The following CYB5R4 variants were observed in gnomAD, a reference collection of about 807,000 sequenced individuals.
The protein encoded by CYB5R4 is N-terminal cytochrome b5 and cytochrome b5 oxidoreductase domain-containing protein.
In CYB5R4, 55 loss-of-function variants were observed where a neutral mutation model predicts 70.2. The observed-to-expected ratio is 0.78, with a 90% CI of 0.63 to 0.98. The LOEUF (loss-of-function observed/expected upper bound fraction) is 0.98, where lower values mean the gene tolerates loss of function less well. Ranked by LOEUF, CYB5R4 falls within the 50% of genes least tolerant of loss-of-function variation. The pLI, the probability that CYB5R4 is intolerant of heterozygous loss-of-function variation, is 0.00. For missense variants in CYB5R4, 562 were observed against 612.6 expected, an observed-to-expected ratio of 0.92 and a Z score of 0.87; for synonymous variants, 197 against 199.5, an observed-to-expected ratio of 0.99 and a Z score of 0.11.
intron 14 of CYB5R4, among the ~76,000 whole-genome samples, chr6:83,949,850 A>C (rs1211030718): frequency 6.6e-6 from 1 of 152,228 alleles, no homozygotes; most frequent in Non-Finnish European, 1.5e-5. Flanking sequence ...TATAAAACAA[A>C]CATTAATACC....
At position 83,965,045 on chromosome 6, in the gene CYB5R4, G is replaced by T. The variant is rs377093620; in HGVS notation, c.*5167G>T. ...GAAATGCCTGGATGCCCAGGCAGAA[G>T]TTTGCTGCAGGGGCGGGGCTCTCAT... On this transcript the variant is annotated 3_prime_UTR_variant, in exon 16 of 16. Transcript: ENST00000369681. 1 of 152,306 alleles carries T rather than the reference G, an allele frequency of 6.6e-6. No individual in the cohort carries two copies. The allele number at this position is 152,306 out of a possible 1,614,324, so 9.4% of individuals were successfully genotyped here.
chr6:83,865,213 A>C (rs1052256413), intron 2 of CYB5R4, among the ~76,000 whole-genome samples: 2 of 152,190 alleles, frequency 1.3e-5, no homozygotes, highest in Non-Finnish European at 1.5e-5. Context: ...TTGTTCAATG[A>C]GTGTAACACT....
chr6:83,912,490 A>C (rs2099464858), intron 4 of CYB5R4, among the ~76,000 whole-genome samples: 1 of 152,178 alleles, frequency 6.6e-6, no homozygotes, highest in Non-Finnish European at 1.5e-5. Context: ...GTCATAATTA[A>C]AGATCCTTAC....
At chr6:83,920,488 C>G (rs2099466193) in intron 7 of CYB5R4, among the ~76,000 whole-genome samples, 1 of 151,894 alleles carries the variant, frequency 6.6e-6, no homozygotes, top group African/African-American at 2.4e-5. Context: ...CAATGGAACA[C>G]AGAGGATGGA....
intron 2 of CYB5R4, among the ~76,000 whole-genome samples, chr6:83,878,234 A>C (rs533522890): frequency 2.6e-4 from 39 of 152,318 alleles, no homozygotes; most frequent in Admixed American, 8.5e-4. Flanking sequence ...ACTAGATTAA[A>C]AAAAAATCAA....
At chr6:83,877,428 G>A (rs918540259) in intron 2 of CYB5R4, among the ~76,000 whole-genome samples, 10 of 151,866 alleles carry the variant, frequency 6.6e-5, no homozygotes, top group African/African-American at 1.7e-4. Context: ...TATTTGACTC[G>A]TGATTCTTGA....
At chr6:83,920,386 T>C (rs1407695315) in intron 7 of CYB5R4, among the ~76,000 whole-genome samples, 1 of 152,120 alleles carries the variant, frequency 6.6e-6, no homozygotes, top group African/African-American at 2.4e-5. Context: ...CTACTTATCC[T>C]GTTTTCCACT....
At chr6:83,915,432 C>G (rs2099465354) in intron 5 of CYB5R4, among the ~76,000 whole-genome samples, 1 of 152,154 alleles carries the variant, frequency 6.6e-6, no homozygotes, top group African/African-American at 2.4e-5. Context: ...ATATAACACT[C>G]TATTAAATGA....
chr6:83,867,988 A>T (rs1449335186), intron 2 of CYB5R4, among the ~76,000 whole-genome samples: 1 of 152,222 alleles, frequency 6.6e-6, no homozygotes, highest in Non-Finnish European at 1.5e-5. Flanking sequence ...CCTCAGTTAG[A>T]ACCTGACAAC....
intron 15 of CYB5R4, among the ~76,000 whole-genome samples, chr6:83,959,268 C>T (rs2099472926): frequency 1.3e-5 from 2 of 152,122 alleles, no homozygotes; most frequent in South Asian, 4.1e-4. Context: ...TATTACATGC[C>T]TCCAGATAGA....
chr6:83,929,309 TA>T (rs1346602483), intron 10 of CYB5R4: 1 of 152,200 alleles, frequency 6.6e-6, no homozygotes, highest in Non-Finnish European at 1.5e-5. Context: ...GACTTTATGA[TA>T]ATAGTATGCT....
intron 15 of CYB5R4, among the ~76,000 whole-genome samples, chr6:83,958,934 TTGAACA>T (rs1478833606): frequency 6.6e-6 from 1 of 152,196 alleles, no homozygotes; most frequent in Non-Finnish European, 1.5e-5. Context: ...ATTTTCCTAG[TTGAACA>T]ATACGCAGTA....
chr6:83,958,899 G>A (rs1052222059), intron 15 of CYB5R4, among the ~76,000 whole-genome samples: 1 of 152,136 alleles, frequency 6.6e-6, no homozygotes, highest in Non-Finnish European at 1.5e-5. Flanking sequence ...AATAGAGTAA[G>A]TGGTAAAAAA....
chr6:83,955,503 A>C (rs2099472194), intron 15 of CYB5R4, 41 bp downstream of exon 15: 2 of 1,531,608 alleles, frequency 1.3e-6, no homozygotes, highest in African/African-American at 2.7e-5. Context: ...CCCAACACTG[A>C]AGTGAAGATC....
chr6:83,909,604 G>T (rs1038406022), intron 4 of CYB5R4, among the ~76,000 whole-genome samples: 13 of 152,132 alleles, frequency 8.5e-5, no homozygotes, highest in Non-Finnish European at 1.6e-4. Context: ...AGGCTTGTAG[G>T]TATTGTATCT....
rs34432517 is a variant in CYB5R4, at chr6:83,864,167, A to AT, written c.76-3dup. Reference sequence around the variant, plus strand: ...GCTAGATTTAATTCTTCCTTTTTCCATTTTTAGGTACCTTTAAAACAGGGC... The same window carrying AT: ...GCTAGATTTAATTCTTCCTTTTTCCATTTTTTAGGTACCTTTAAAACAGGGC... On this transcript the variant is annotated splice_region_variant and splice_polypyrimidine_tract_variant and intron_variant, in intron 1 of 15. Coordinates refer to ENST00000369681, the MANE Select transcript of CYB5R4 (RefSeq NM_016230.4). 4.5e-6 allele frequency: 7 copies of AT among 1,542,386 alleles called. No individual in the cohort carries two copies. In the African/African-American group the frequency reaches 7.0e-5, roughly 15 times the overall value.
chr6:83,861,954 A>G (rs1374550313), intron 1 of CYB5R4, among the ~76,000 whole-genome samples: 3 of 152,192 alleles, frequency 2.0e-5, no homozygotes, highest in Non-Finnish European at 2.9e-5. Flanking sequence ...TTCGTTGTAC[A>G]TAGTTTAGTT....
chr6:83,940,509 C>G lies in CYB5R4; in HGVS notation c.1260-6C>G. 1 of 1,543,282 alleles carries G rather than the reference C, an allele frequency of 6.5e-7. No individual in the cohort carries two copies. The highest frequency in any genetic ancestry group is 8.7e-7 in the Non-Finnish European group (1 of 1,153,340). On this transcript the variant is annotated splice_polypyrimidine_tract_variant and splice_region_variant and intron_variant, in intron 13 of 15. Coordinates refer to ENST00000369681, the MANE Select transcript of CYB5R4 (RefSeq NM_016230.4). ...GTTATTTCTGAGTTTTTTTTTTTCT[C>G]TTAAGGAAAGTGAAGCTGATGTTCT...
In CYB5R4 at chr6:83,912,563, G is replaced by A. The variant is rs374632198; in HGVS notation, c.413-1853G>A. On this transcript the variant is annotated intron_variant, in intron 4 of 15. Coordinates refer to ENST00000369681, the MANE Select transcript of CYB5R4 (RefSeq NM_016230.4). ...CCTTCTAAATGACTCTGACCTCTCC[G>A]GAAATAAAGATTCTCATCAGAGTAA... 4.3e-4 allele frequency among the ~76,000 whole-genome samples: 65 copies of A among 152,210 alleles called. 1 individual carries two copies. In the East Asian group the frequency reaches 0.01, roughly 23 times the overall value.
Sources: gnomAD v4.1 joint callset for allele counts (sites outside exome capture counted in the v4.1 genomes callset) on GRCh38, gnomAD v4.1.1 for gene constraint, MANE v1.5 for transcripts, NCBI Gene and HGNC (gene_info 2026-07-23, HGNC 2026-07-21) for gene names.